VPS35: variants seen among roughly 807,000 people sequenced by gnomAD.
VPS35 encodes the protein VPS35 retromer complex component.
A neutral mutation model predicts 98.1 loss-of-function variants in VPS35; 21 were observed. That is an observed-to-expected ratio of 0.21 (90% CI 0.15 to 0.31). The LOEUF is 0.31. Among genes scored for constraint, VPS35 ranks in the 10% least tolerant of loss-of-function variants. The pLI is 1.00. For missense variants in VPS35, 554 were observed against 950.8 expected (o/e 0.58, Z 5.49); for synonymous variants, 268 against 318.2 (o/e 0.84, Z 1.68).
Position 46,658,779 on chromosome 16 carries a change from A to G in VPS35, c.*1693T>C, listed in dbSNP as rs984958128. On this transcript the variant is annotated 3_prime_UTR_variant, in exon 17 of 17. Transcript: ENST00000299138. ...GATACATTTTAGTGGTACTAATTTT[A>G]TAACTTTGGGAAACATCTGTTCATG... is the stretch of plus-strand genomic sequence containing the variant. 2 of 152,242 alleles carry G rather than the reference A, an allele frequency of 1.3e-5. No homozygotes were observed. Among genetic ancestry groups the G allele is most frequent in the Non-Finnish European group, 2.9e-5 (2 of 68,026 alleles). 9.4% of individuals were successfully genotyped at this position (152,242 alleles called of 1,614,324 possible).
At chr16:46,672,999 G>A (rs1966090733) in intron 10 of VPS35, among the ~76,000 whole-genome samples, 1 of 151,988 alleles carries the variant, frequency 6.6e-6, no homozygotes. Context: ...AGATATTGAG[G>A]CATATTGGGG....
chr16:46,677,594 G>A, intron 6 of VPS35, 196 bp from the exon 7 acceptor site: 1 of 564,922 alleles, frequency 1.8e-6, no homozygotes, highest in Non-Finnish European at 3.2e-6. Context: ...GGAGTGAAGT[G>A]GCACAATCTC....
Position 46,658,459 on chromosome 16 carries a change from T to G in VPS35, c.*2013A>C, listed in dbSNP as rs940342351. 3 of 153,790 alleles carry G rather than the reference T, an allele frequency of 2.0e-5. No homozygotes were observed. The highest frequency in any genetic ancestry group is 1.9e-4 in the East Asian group (1 of 5,200). The allele number at this position is 153,790 out of a possible 1,614,324, so 9.5% of individuals were successfully genotyped here. A position where few individuals can be genotyped will look rare whatever the true frequency, so the allele number is the denominator to read the frequency against. ...GTTAAGGATACTAGCAGTGCTTTTG[T>G]TTCACTTTTATTTACTTTTGTTGGT... On this transcript the variant is annotated 3_prime_UTR_variant, in exon 17 of 17. Transcript: ENST00000299138.
At chr16:46,663,481 A>C (rs1054537015) in intron 13 of VPS35, among the ~76,000 whole-genome samples, 1 of 152,174 alleles carries the variant, frequency 6.6e-6, no homozygotes, top group Non-Finnish European at 1.5e-5. Flanking sequence ...TCCTGGATTC[A>C]AGTGATTCTC....
At chr16:46,688,724 G>C in intron 1 of VPS35, 3 of 1,172,836 alleles carry the variant, frequency 2.6e-6, no homozygotes, top group Non-Finnish European at 3.2e-6. Context: ...ACATCTGGGC[G>C]GGTCCCGGCG....
At chr16:46,677,229 T>C (rs1966165310) in intron 7 of VPS35, 86 bp downstream of exon 7, 1 of 1,224,300 alleles carries the variant, frequency 8.2e-7, no homozygotes, top group Non-Finnish European at 1.2e-6. Context: ...GCTTATTTCC[T>C]ATTCCATCAA....
Position 46,660,191 on chromosome 16 carries a change from G to T in VPS35, c.*281C>A, listed in dbSNP as rs808078. ...CAAGATAAGTGCTTGTGGGTTTTGT[G>T]TTTTTTTTTTTTTTTTTTTTTACAG... On this transcript the variant is annotated 3_prime_UTR_variant, in exon 17 of 17. Transcript: ENST00000299138. 0.98 allele frequency: 143,101 copies of T among 146,282 alleles called. 70,004 individuals carry two copies. The highest frequency in any genetic ancestry group is 0.99 in the Non-Finnish European group (74,042 of 74,662). 9.1% of individuals were successfully genotyped at this position (146,282 alleles called of 1,614,324 possible).
At position 46,674,669 on chromosome 16, in the gene VPS35, A is replaced by T. The variant is rs1234648729; in HGVS notation, c.915-9T>A. On this transcript the variant is annotated splice_polypyrimidine_tract_variant and intron_variant, in intron 8 of 16. Transcript: ENST00000299138. ...GAGCAAATAAAGCTAATCTAAAAAAAAAAAAAACACCCCTTTATTTTAAAA... is the reference window on the plus strand; with the variant it reads ...GAGCAAATAAAGCTAATCTAAAAAATAAAAAAACACCCCTTTATTTTAAAA... 1.3e-6 allele frequency: 2 copies of T among 1,594,884 alleles called. No homozygotes were observed. Among genetic ancestry groups the T allele is most frequent in the African/African-American group, 2.7e-5 (2 of 74,278 alleles).
In VPS35 at chr16:46,659,199, T is replaced by C. The variant is rs1965872318; in HGVS notation, c.*1273A>G. On this transcript the variant is annotated 3_prime_UTR_variant, in exon 17 of 17. Transcript: ENST00000299138. ...GGCCTCTGCCCTCAAGAAGAGGAACTGGGGCCTCTGCCTAACAGCCAGGTC... is the reference window on the plus strand; with the variant it reads ...GGCCTCTGCCCTCAAGAAGAGGAACCGGGGCCTCTGCCTAACAGCCAGGTC... 1 of 152,338 alleles carries C rather than the reference T, an allele frequency of 6.6e-6. No homozygotes were observed. Among genetic ancestry groups the C allele is most frequent in the Admixed American group, 6.5e-5 (1 of 15,292 alleles). 9.4% of individuals were successfully genotyped at this position (152,338 alleles called of 1,614,324 possible).
chr16:46,674,640 C>G lies in VPS35; in HGVS notation c.935G>C (p.Arg312Pro). The G allele has an allele frequency of 6.2e-7, 1 of 1,608,584 alleles. No individual in the cohort carries two copies. The highest frequency in any genetic ancestry group is 8.5e-7 in the Non-Finnish European group (1 of 1,177,994). ...CGCTGGGATTCCAGGTCCATCTTCA[C>G]GGTGAGCAAATAAAGCTAATCTAAA... The part of the protein sequence containing the change: ...LIDRLALFAH[R>P]EDGPGIPADI... Residue 312 changes from arginine to proline, a missense_variant, in exon 9 of 17, where the codon CGT becomes CCT. By Grantham distance (103) the Arg-to-Pro change is moderately radical (BLOSUM62 -2). Transcript: ENST00000299138.
At chr16:46,668,704 C>G (rs1419255548) in intron 13 of VPS35, among the ~76,000 whole-genome samples, 2 of 152,182 alleles carry the variant, frequency 1.3e-5, no homozygotes, top group Non-Finnish European at 2.9e-5. Flanking sequence ...TCTTGCATTT[C>G]TAAGTGCTTT....
At chr16:46,688,693 A>G (rs1966364405) in intron 1 of VPS35, 1 of 1,097,924 alleles carries the variant, frequency 9.1e-7, no homozygotes, top group Admixed American at 4.5e-5. Context: ...GAGCACAACT[A>G]GGCACAAAGG....
intron 4 of VPS35, 28 bp downstream of exon 4, chr16:46,681,349 A>C (rs768019437): frequency 7.4e-6 from 12 of 1,613,058 alleles, no homozygotes; most frequent in African/African-American, 1.3e-5. Context: ...ATACAGACAC[A>C]AAAGTTCTCT....
In VPS35 at chr16:46,672,289, G is replaced by A. The variant is rs756404549; in HGVS notation, c.1344C>T (p.Asn448=). 6.2e-7 allele frequency: 1 copy of A among 1,613,686 alleles called. No homozygotes were observed. Among genetic ancestry groups the A allele is most frequent in the Admixed American group, 1.7e-5 (1 of 59,990 alleles). Residue 448 remains asparagine (N), a synonymous_variant, in exon 11 of 17, where the codon AAC becomes AAT. Coordinates refer to ENST00000299138, the MANE Select transcript of VPS35 (RefSeq NM_018206.6). ...CCTGGTCTTGAGAGACAATTTCTGT[G>A]TTATAATCCAGAACATTACTAAGCA... The part of the protein sequence containing the change: ...CYVLSNVLDY[N]TEIVSQDQVD...
In VPS35 at chr16:46,672,404, T is replaced by C. The variant is rs756559738; in HGVS notation, c.1229A>G (p.Asn410Ser). The C allele has an allele frequency of 1.2e-6, 2 of 1,613,738 alleles. No homozygotes were observed. The highest frequency in any genetic ancestry group is 1.7e-6 in the Non-Finnish European group (2 of 1,179,882). Residue 410 changes from asparagine (N) to serine (S), a missense_variant, in exon 11 of 17, where the codon AAC (asparagine) becomes AGC (serine). Coordinates refer to ENST00000299138, the MANE Select transcript of VPS35 (RefSeq NM_018206.6). ...TAATTTCAAGACTGTTAAAATATTGTTGTAAGTGTCAACTGGTATTTTCAA... is the reference window on the plus strand; with the variant it reads ...TAATTTCAAGACTGTTAAAATATTGCTGTAAGTGTCAACTGGTATTTTCAA... Reference protein sequence around the residue: ...RLLKIPVDTYNNILTVLKLKH... With the variant: ...RLLKIPVDTYSNILTVLKLKH...
intron 13 of VPS35, 103 bp downstream of exon 13, chr16:46,668,827 A>G (rs1966026215): frequency 8.6e-6 from 13 of 1,513,566 alleles, no homozygotes; most frequent in South Asian, 1.2e-5. Flanking sequence ...ACCACTGTCT[A>G]TTTTTGTACG....
At chr16:46,674,517 A>T (rs561467128) in intron 9 of VPS35, 47 bp downstream of exon 9, 1 of 1,606,118 alleles carries the variant, frequency 6.2e-7, no homozygotes, top group African/African-American at 1.3e-5. Context: ...AAAGGAAGGC[A>T]GAGAAGTTTC....
At chr16:46,675,048 C>A (rs1206260309) in intron 8 of VPS35, among the ~76,000 whole-genome samples, 1 of 132,936 alleles carries the variant, frequency 7.5e-6, no homozygotes, top group Non-Finnish European at 1.6e-5. Context: ...TCCTTGGCCT[C>A]CCAAAGTGCT....
In VPS35 at chr16:46,671,871, C is replaced by A. The variant is rs193110624; in HGVS notation, c.1369-11G>T. On this transcript the variant is annotated splice_polypyrimidine_tract_variant and intron_variant, in intron 11 of 16. Transcript: ENST00000299138. ...CATTATGGAATCCACCTGTAACATG[C>A]GAGGCACAAGAAACCCACTGAGGTG... is the stretch of plus-strand genomic sequence containing the variant. The A allele has an allele frequency of 8.7e-6, 14 of 1,611,710 alleles. No individual in the cohort carries two copies. The highest frequency in any genetic ancestry group is 6.7e-5 in the African/African-American group (5 of 74,956).
Sources: allele counts gnomAD v4.1 joint callset (sites outside exome capture counted in the v4.1 genomes callset), GRCh38; gene constraint gnomAD v4.1.1; transcripts MANE v1.5; gene names NCBI Gene and HGNC (gene_info 2026-07-23, HGNC 2026-07-21).